The following CDC123 variants were observed in gnomAD, a reference collection of about 807,000 sequenced individuals.
The protein encoded by CDC123 is translation initiation factor eIF2 assembly protein.
Under a neutral mutation model 54.4 loss-of-function variants are expected in CDC123, and 37 were observed. That is an observed-to-expected ratio of 0.68 (90% confidence interval 0.52 to 0.89). The LOEUF (loss-of-function observed/expected upper bound fraction) is 0.89. CDC123 is among the 40% of genes least tolerant of loss of function. The pLI is 0.00. For missense variants in CDC123, 361 were observed against 412.1 expected (o/e 0.88, Z 1.07); for synonymous variants, 144 against 136.8 (o/e 1.05, Z -0.37).
chr10:12,235,244 A>G lies in CDC123; in HGVS notation c.565+121A>G, dbSNP rs547143830. On this transcript the variant is annotated intron_variant, in intron 8 of 12. Coordinates refer to ENST00000281141, the MANE Select transcript of CDC123 (RefSeq NM_006023.3). ...GGATGTCAATCTGTTTTCATCTCAG[A>G]TGCCACCTCTAACCAGTTGATACTG... The G allele has an allele frequency of 8.0e-5, 62 of 779,434 alleles. No homozygotes were observed. The East Asian group carries it at 1.5e-3, about 19-fold the overall frequency. 48.3% of individuals were successfully genotyped at this position (779,434 alleles called of 1,614,324 possible).
intron 6 of CDC123, among the ~76,000 whole-genome samples, chr10:12,219,662 T>A (rs1207767931): frequency 2.0e-5 from 3 of 151,316 alleles, no homozygotes; most frequent in Non-Finnish European, 4.4e-5. Flanking sequence ...CTGAAAATGC[T>A]GTCTACTTGA....
intron 8 of CDC123, among the ~76,000 whole-genome samples, chr10:12,236,190 A>C (rs1835974730): frequency 6.6e-6 from 1 of 152,238 alleles, no homozygotes; most frequent in Non-Finnish European, 1.5e-5. Flanking sequence ...TCTTTGGAAG[A>C]AAGCAAAGCA....
chr10:12,225,968 G>C (rs375054342), intron 6 of CDC123, among the ~76,000 whole-genome samples: 2 of 151,698 alleles, frequency 1.3e-5, no homozygotes, highest in Non-Finnish European at 2.9e-5. Context: ...TGACTCTTAA[G>C]GAGCATGCTG....
chr10:12,217,275 A>G (rs1263730731), intron 5 of CDC123, 86 bp from the exon 6 acceptor site: 3 of 1,268,876 alleles, frequency 2.4e-6, no homozygotes, highest in Non-Finnish European at 3.3e-6. Context: ...TTGAAGTGAT[A>G]TGCATTATTG....
At chr10:12,205,950 G>A (rs527433805) in intron 2 of CDC123, among the ~76,000 whole-genome samples, 26 of 151,536 alleles carry the variant, frequency 1.7e-4, no homozygotes, top group Non-Finnish European at 3.2e-4. Flanking sequence ...AGGTGCCTGC[G>A]ACCACGCCCA....
intron 4 of CDC123, among the ~76,000 whole-genome samples, chr10:12,211,456 G>A (rs570542534): frequency 5.3e-5 from 8 of 152,300 alleles, no homozygotes; most frequent in Admixed American, 1.3e-4. Flanking sequence ...TTTAAAAAGG[G>A]AAGCCTGCCA....
At chr10:12,213,398 G>A (rs1835627722) in intron 4 of CDC123, among the ~76,000 whole-genome samples, 1 of 152,098 alleles carries the variant, frequency 6.6e-6, no homozygotes, top group Admixed American at 6.6e-5. Flanking sequence ...TTTAGAAATT[G>A]TATAGAGTAG....
intron 10 of CDC123, chr10:12,245,913 T>C: frequency 2.7e-6 from 1 of 366,964 alleles, no homozygotes; most frequent in South Asian, 4.8e-5. Flanking sequence ...TCGAAGAAAA[T>C]ACAAAAATTA....
intron 10 of CDC123, 67 bp downstream of exon 10, chr10:12,238,552 CTT>C: frequency 6.4e-7 from 1 of 1,563,382 alleles, no homozygotes; most frequent in African/African-American, 1.4e-5. Context: ...CAGAGCATGC[CTT>C]TGTTATGTGT....
intron 6 of CDC123, among the ~76,000 whole-genome samples, chr10:12,230,255 C>A (rs1232831028): frequency 6.6e-6 from 1 of 151,706 alleles, no homozygotes; most frequent in Non-Finnish European, 1.5e-5. Context: ...TTCAGTGGCA[C>A]TGTCTCGGCT....
rs562374481 is a variant in CDC123, at chr10:12,231,721, C to T, written c.489+725C>T. ...AACATAGTAAGCCTCAATTTTTATT[C>T]CAGATTTTCCTAGTTTTGAAAGTAT... On this transcript the variant is annotated intron_variant, in intron 7 of 12. Coordinates refer to ENST00000281141, the MANE Select transcript of CDC123 (RefSeq NM_006023.3). 1.0e-3 allele frequency among the ~76,000 whole-genome samples: 153 copies of T among 151,896 alleles called. 1 individual carries two copies. Among genetic ancestry groups the T allele is most frequent in the Non-Finnish European group, 1.9e-3 (128 of 67,956 alleles).
intron 2 of CDC123, among the ~76,000 whole-genome samples, chr10:12,202,393 A>G (rs933816024): frequency 1.3e-5 from 2 of 152,192 alleles, no homozygotes; most frequent in Non-Finnish European, 2.9e-5. Context: ...ACACCACAAC[A>G]ATCAACACAG....
rs559068709 is a variant in CDC123 at position 12,240,168 on chromosome 10, G to A, written c.717+1683G>A. The stretch of plus-strand genomic sequence containing the variant: ...AGGAAAAAGTTAAAGTGACTTACTA[G>A]TAAAGTTACTTACTGCTGACTTAAT... On this transcript the variant is annotated intron_variant, in intron 10 of 12. Coordinates refer to ENST00000281141, the MANE Select transcript of CDC123 (RefSeq NM_006023.3). Among the ~76,000 whole-genome samples, 3 of 152,260 alleles carry A rather than the reference G, an allele frequency of 2.0e-5. No homozygotes were observed. In the South Asian group the frequency reaches 6.2e-4, roughly 32 times the overall value.
intron 5 of CDC123, among the ~76,000 whole-genome samples, chr10:12,216,051 T>G (rs1835659192): frequency 6.6e-6 from 1 of 152,228 alleles, no homozygotes; most frequent in South Asian, 2.1e-4. Flanking sequence ...AAAAGGTAGT[T>G]TCCACGTCTT....
At chr10:12,227,243 G>T (rs973052890) in intron 6 of CDC123, among the ~76,000 whole-genome samples, 1 of 149,058 alleles carries the variant, frequency 6.7e-6, no homozygotes, top group African/African-American at 2.5e-5. Flanking sequence ...GAGGGAGACC[G>T]TGGAGAGAGA....
In CDC123 at chr10:12,250,053, G is replaced by C. The variant is rs1836220291; in HGVS notation, c.985-258G>C. 1.0e-5 allele frequency: 5 copies of C among 478,188 alleles called. No individual in the cohort carries two copies. In the South Asian group the frequency reaches 2.0e-4, roughly 19 times the overall value. The allele number at this position is 478,188 out of a possible 1,614,324, so 29.6% of individuals were successfully genotyped here. The stretch of plus-strand genomic sequence containing the variant: ...GTGGTGATTTTACTCAAGAGGGGAT[G>C]TGAATATTTATATTTTTGTGTGGAT... On this transcript the variant is annotated intron_variant, in intron 12 of 12. Coordinates refer to ENST00000281141, the MANE Select transcript of CDC123 (RefSeq NM_006023.3).
chr10:12,231,511 G>A (rs537672466), intron 7 of CDC123, among the ~76,000 whole-genome samples: 1 of 151,676 alleles, frequency 6.6e-6, no homozygotes, highest in South Asian at 2.1e-4. Flanking sequence ...TGTAATCCCA[G>A]CTACTCAGGA....
intron 10 of CDC123, among the ~76,000 whole-genome samples, chr10:12,241,658 T>G (rs1836059134): frequency 6.6e-6 from 1 of 152,226 alleles, no homozygotes; most frequent in South Asian, 2.1e-4. Context: ...GTTTATTTAT[T>G]TACTTTGAGT....
intron 9 of CDC123, 119 bp downstream of exon 9, chr10:12,237,385 A>G: frequency 4.1e-6 from 3 of 733,250 alleles, no homozygotes; most frequent in Non-Finnish European, 5.8e-6. Flanking sequence ...TAAGCATTTT[A>G]CTATATTATT....
Sources: gnomAD v4.1 joint callset for allele counts (sites outside exome capture counted in the v4.1 genomes callset) on GRCh38, gnomAD v4.1.1 for gene constraint, MANE v1.5 for transcripts, NCBI Gene and HGNC (gene_info 2026-07-23, HGNC 2026-07-21) for gene names.